The following STPG4 variants were observed in gnomAD, a reference collection of about 807,000 sequenced individuals.
STPG4 encodes protein STPG4.
STPG4 carries 41 observed loss-of-function variants against 31.5 expected under a neutral mutation model. The observed-to-expected ratio is 1.30, with a 90% CI of 1.01 to 1.69. The LOEUF is 1.69. Among genes scored for constraint, STPG4 ranks in the 40% most tolerant of loss-of-function variants. The pLI is 0.00. For missense variants in STPG4, 375 were observed against 293.4 expected, an observed-to-expected ratio of 1.28 and a Z score of -2.03; for synonymous variants, 141 against 103.0, an observed-to-expected ratio of 1.37 and a Z score of -2.24.
Position 47,112,590 on chromosome 2 carries a change from A to G in STPG4, c.519+17351T>C, listed in dbSNP as rs77335044. ...ATCTTTTATAACTAGCCTCATTCTC[A>G]AAAGTATTTGAAGAGACTAGGTGAA... On this transcript the variant is annotated intron_variant, in intron 5 of 6. Coordinates refer to ENST00000445927, the MANE Select transcript of STPG4 (RefSeq NM_001163561.2). Among the ~76,000 whole-genome samples the G allele has an allele frequency of 8.9e-3, 1,363 of 152,292 alleles. 23 individuals carry two copies. The highest frequency in any genetic ancestry group is 0.032 in the African/African-American group (1,326 of 41,560).
chr2:47,154,191 C>G (rs949841349), intron 1 of STPG4, among the ~76,000 whole-genome samples: 2 of 152,130 alleles, frequency 1.3e-5, no homozygotes, highest in African/African-American at 4.8e-5. Context: ...CTTATGAGTA[C>G]CACTGGGCTT....
intron 5 of STPG4, among the ~76,000 whole-genome samples, chr2:47,124,418 A>G (rs1255833629): frequency 6.6e-6 from 1 of 151,760 alleles, no homozygotes; most frequent in East Asian, 1.9e-4. Flanking sequence ...TCCATCCTCC[A>G]CTACCCTTCT....
At chr2:47,129,917 G>A (rs1423751545) in intron 5 of STPG4, 24 bp downstream of exon 5, 1 of 1,606,890 alleles carries the variant, frequency 6.2e-7, no homozygotes. Context: ...TTCATCATGA[G>A]TTAACTGTCT....
In STPG4 at chr2:47,090,240, G is replaced by A. The variant is rs79866388; in HGVS notation, c.624+30C>T. ...CCACCATAACCATACCCCTAGGGGT[G>A]GGGGGCGATCTGTCTTTCCGAATAC... On this transcript the variant is annotated intron_variant, in intron 6 of 6. Coordinates refer to ENST00000445927, the MANE Select transcript of STPG4 (RefSeq NM_001163561.2). 4,377 of 1,456,692 alleles carry A rather than the reference G, an allele frequency of 3.0e-3. 113 individuals carry two copies. In the African/African-American group the frequency reaches 0.054, roughly 18 times the overall value. 90.2% of individuals were successfully genotyped at this position (1,456,692 alleles called of 1,614,324 possible).
chr2:47,119,790 G>T (rs981232315), intron 5 of STPG4, among the ~76,000 whole-genome samples: 3 of 152,232 alleles, frequency 2.0e-5, no homozygotes, highest in Admixed American at 6.5e-5. Context: ...ACCAAGCAAG[G>T]AGGGCCAGAC....
Position 47,140,005 on chromosome 2 carries a change from A to T in STPG4, c.400-9745T>A, listed in dbSNP as rs566542132. Among the ~76,000 whole-genome samples, 128 of 151,828 alleles carry T rather than the reference A, an allele frequency of 8.4e-4. 2 individuals are homozygous for T. The East Asian group carries it at 0.024, about 29-fold the overall frequency. ...TGGCCAGGCTGGTCTCAAACTCCTGACCCTGTGATCCGCCCGCCTCAGCCT... is the reference window on the plus strand; with the variant it reads ...TGGCCAGGCTGGTCTCAAACTCCTGTCCCTGTGATCCGCCCGCCTCAGCCT... On this transcript the variant is annotated intron_variant, in intron 3 of 6. Coordinates refer to ENST00000445927, the MANE Select transcript of STPG4 (RefSeq NM_001163561.2).
At chr2:47,105,636 T>C (rs1685894855) in intron 5 of STPG4, among the ~76,000 whole-genome samples, 1 of 152,014 alleles carries the variant, frequency 6.6e-6, no homozygotes, top group African/African-American at 2.4e-5. Context: ...CTGATGGAAG[T>C]TCATTTGTGG....
At chr2:47,124,798 G>C (rs1277087526) in intron 5 of STPG4, among the ~76,000 whole-genome samples, 2 of 152,144 alleles carry the variant, frequency 1.3e-5, no homozygotes, top group East Asian at 3.8e-4. Context: ...CAGTGAGATT[G>C]CTGGATCATA....
At chr2:47,148,651 G>C (rs1189977670) in intron 3 of STPG4, among the ~76,000 whole-genome samples, 1 of 152,040 alleles carries the variant, frequency 6.6e-6, no homozygotes, top group Non-Finnish European at 1.5e-5. Context: ...ATTTACATTA[G>C]GTATATCTCC....
chr2:47,134,598 T>C (rs1360151378), intron 3 of STPG4, among the ~76,000 whole-genome samples: 1 of 152,262 alleles, frequency 6.6e-6, no homozygotes, highest in Non-Finnish European at 1.5e-5. Context: ...TATTTATCCA[T>C]TCATCTACTT....
chr2:47,112,473 C>T (rs915341418), intron 5 of STPG4, among the ~76,000 whole-genome samples: 2 of 152,018 alleles, frequency 1.3e-5, no homozygotes, highest in Admixed American at 1.3e-4. Context: ...CCTGGCCTAA[C>T]CTTTGAGATT....
rs1260557835 is a variant in STPG4 at position 47,155,219 on chromosome 2, G to A, written c.33C>T (p.Thr11=). The change falls in exon 1 of 7, where the codon ACC becomes ACT. Residue 11 remains threonine (T), a synonymous_variant. Transcript: ENST00000445927. MDQPAVATAS[T]SIREDLVGGE... is the part of the protein sequence containing the mutation. ...CACCCACCAGGTCTTCCCTTATTGA[G>A]GTGGAAGCGGTGGCGACGGCTGGCT... is the stretch of plus-strand genomic sequence containing the variant. 5.0e-6 allele frequency: 8 copies of A among 1,614,182 alleles called. No homozygotes were observed. Among genetic ancestry groups the A allele is most frequent in the South Asian group, 1.1e-5 (1 of 91,080 alleles).
intron 3 of STPG4, among the ~76,000 whole-genome samples, chr2:47,133,204 G>C (rs985124906): frequency 6.6e-6 from 1 of 150,456 alleles, no homozygotes; most frequent in African/African-American, 2.5e-5. Flanking sequence ...GCCTTGCTCT[G>C]TCACCCAGGC....
intron 5 of STPG4, among the ~76,000 whole-genome samples, chr2:47,118,868 C>T (rs1186243999): frequency 6.6e-6 from 1 of 152,250 alleles, no homozygotes; most frequent in East Asian, 1.9e-4. Flanking sequence ...GTTAACCCTA[C>T]TACATGCTGT....
chr2:47,097,725 C>T (rs1188069183), intron 5 of STPG4, among the ~76,000 whole-genome samples: 2 of 152,076 alleles, frequency 1.3e-5, no homozygotes, highest in African/African-American at 4.8e-5. Context: ...TATAAATTAC[C>T]CAGTCTAAGG....
chr2:47,111,508 G>C (rs542602336), intron 5 of STPG4, among the ~76,000 whole-genome samples: 81 of 152,210 alleles, frequency 5.3e-4, no homozygotes, highest in Non-Finnish European at 8.4e-4. Context: ...GCTTTGTCCA[G>C]TTCTCTTGGA....
rs561229386 is a variant in STPG4 at position 47,114,305 on chromosome 2, G to A, written c.519+15636C>T. On this transcript the variant is annotated intron_variant, in intron 5 of 6. Coordinates refer to ENST00000445927, the MANE Select transcript of STPG4 (RefSeq NM_001163561.2). ...AGATCGCTTGAGGCCCGGAGTTCGA[G>A]ACCAGCCTGGCCAACATGGTGAAAT... 8.2e-4 allele frequency among the ~76,000 whole-genome samples: 124 copies of A among 151,960 alleles called. 4 individuals carry two copies. In the South Asian group the frequency reaches 0.024, roughly 30 times the overall value.
intron 5 of STPG4, among the ~76,000 whole-genome samples, chr2:47,100,759 G>A (rs768500851): frequency 6.6e-6 from 1 of 151,294 alleles, no homozygotes; most frequent in African/African-American, 2.4e-5. Flanking sequence ...CTCCAGACAC[G>A]CCACCTTAAG....
At chr2:47,089,806 G>C (rs1347119973) in intron 6 of STPG4, among the ~76,000 whole-genome samples, 1 of 152,088 alleles carries the variant, frequency 6.6e-6, no homozygotes. Flanking sequence ...TCTGTCCTGA[G>C]TTTTTGGGGG....
Sources: allele counts gnomAD v4.1 joint callset (sites outside exome capture counted in the v4.1 genomes callset), GRCh38; gene constraint gnomAD v4.1.1; transcripts MANE v1.5; gene names NCBI Gene and HGNC (gene_info 2026-07-23, HGNC 2026-07-21).